Variants in FRAS1 observed in about 807,000 individuals in gnomAD.
The protein encoded by FRAS1 is Fraser extracellular matrix complex subunit 1.
In FRAS1, 290 loss-of-function variants were observed where a neutral mutation model predicts 435.2. The ratio of observed to expected loss-of-function variants is 0.67; its 90% CI spans 0.61 to 0.73. FRAS1 has a LOEUF of 0.73. FRAS1 is among the 30% of genes least tolerant of loss of function. FRAS1 has a pLI of 0.00. For synonymous variants in FRAS1, 1,800 were observed against 1,851.0 expected (o/e 0.97, Z 0.71); for missense variants, 4,860 against 5,001.5 (o/e 0.97, Z 0.85).
At chr4:78,314,849 C>T (rs529497620) in intron 15 of FRAS1, among the ~76,000 whole-genome samples, 2 of 151,878 alleles carry the variant, frequency 1.3e-5, no homozygotes, top group African/African-American at 2.4e-5. Context: ...GACTTTTCCA[C>T]CTCTTACCCC....
intron 3 of FRAS1, among the ~76,000 whole-genome samples, chr4:78,243,798 T>A (rs969004161): frequency 1.3e-5 from 2 of 152,158 alleles, no homozygotes; most frequent in East Asian, 3.8e-4. Context: ...TCTGGGGGCA[T>A]GAAACATTCC....
In FRAS1 at chr4:78,374,159, G is replaced by T; in HGVS notation, c.3059G>T (p.Arg1020Leu). 1 of 1,604,740 alleles carries T rather than the reference G, an allele frequency of 6.2e-7. No homozygotes were observed. Among genetic ancestry groups the T allele is most frequent in the Non-Finnish European group, 8.5e-7 (1 of 1,173,356 alleles). ...LQCQGPHECT[R>L]CKGPFLLLEA... ...TGCCAAGGTCCCCATGAGTGTACCC[G>T]CTGCAAAGGGCCATTTCTCCTCTTG... Residue 1020 changes from arginine to leucine, a missense_variant, in exon 25 of 74, where the codon CGC (arginine) becomes CTC (leucine). Arg to Leu is a moderately radical substitution (Grantham distance 102, BLOSUM62 -2). Transcript: ENST00000512123.
intron 32 of FRAS1, among the ~76,000 whole-genome samples, chr4:78,414,058 T>C (rs554912464): frequency 2.6e-5 from 4 of 152,260 alleles, no homozygotes; most frequent in African/African-American, 9.6e-5. Context: ...ATAGCTATAG[T>C]TTTAGAAATT....
chr4:78,511,575 C>T lies in FRAS1; in HGVS notation c.10013+69C>T, dbSNP rs748600777. 1.2e-5 allele frequency: 14 copies of T among 1,132,532 alleles called. No individual in the cohort carries two copies. The East Asian group carries it at 3.3e-4, about 26-fold the overall frequency. 70.2% of individuals were successfully genotyped at this position (1,132,532 alleles called of 1,614,324 possible). On this transcript the variant is annotated intron_variant, in intron 64 of 73. Coordinates refer to ENST00000512123, the MANE Select transcript of FRAS1 (RefSeq NM_025074.7). ...TCTCAGGTCTCCTTTGTGTGTTTCCCAGGACAATCAATAAGGGATGCTTCT... is the reference window on the plus strand; with the variant it reads ...TCTCAGGTCTCCTTTGTGTGTTTCCTAGGACAATCAATAAGGGATGCTTCT...
chr4:78,427,354 G>A (rs1292563320), intron 35 of FRAS1, among the ~76,000 whole-genome samples: 2 of 152,110 alleles, frequency 1.3e-5, no homozygotes, highest in African/African-American at 4.8e-5. Context: ...GCCTTCATAT[G>A]TGAAAGAAAT....
At chr4:78,488,108 G>C (rs887474218) in intron 58 of FRAS1, among the ~76,000 whole-genome samples, 1 of 152,128 alleles carries the variant, frequency 6.6e-6, no homozygotes, top group African/African-American at 2.4e-5. Context: ...ACTCCAGCCT[G>C]AGTGACAGAG....
chr4:78,429,168 A>G lies in FRAS1; in HGVS notation c.4785A>G (p.Pro1595=). The G allele has an allele frequency of 1.2e-6, 2 of 1,600,708 alleles. No homozygotes were observed. The highest frequency in any genetic ancestry group is 1.7e-4 in the Middle Eastern group (1 of 6,050). ...TACTTCCCAGTGATCAGCAACTGCC[A>G]GTGTTCCAGGTCACAGCTCCACGGC... ...IHLLPSDQQL[P]VFQVTAPRLA... is the part of the protein sequence containing the mutation. The change falls in exon 36 of 74, where the codon CCA becomes CCG. Residue 1595 remains proline (P), a synonymous_variant. Transcript: ENST00000512123.
At chr4:78,427,951 C>T (rs1343292884) in intron 35 of FRAS1, among the ~76,000 whole-genome samples, 1 of 152,204 alleles carries the variant, frequency 6.6e-6, no homozygotes, top group Non-Finnish European at 1.5e-5. Context: ...TCATAACCAA[C>T]ACATAGACAA....
rs1560421813 is a variant in FRAS1, at chr4:78,515,856, A to G, written c.10232A>G (p.Asp3411Gly). The part of the protein sequence containing the change: ...YDSTALGPGY[D>G]RPFQFDPSVR... ...AGCACTGCCCTGGGGCCTGGCTACGATCGCCCCTTCCAGTTTGACCCCAGC... is the reference window on the plus strand; with the variant it reads ...AGCACTGCCCTGGGGCCTGGCTACGGTCGCCCCTTCCAGTTTGACCCCAGC... Residue 3411 changes from aspartate (D) to glycine (G), a missense_variant, in exon 66 of 74, where the codon GAT (aspartate) becomes GGT (glycine). Physicochemically the swap from Asp to Gly is moderately conservative, Grantham distance 94 (BLOSUM62 -1). Transcript: ENST00000512123. 2 of 1,613,986 alleles carry G rather than the reference A, an allele frequency of 1.2e-6. No homozygotes were observed. The highest frequency in any genetic ancestry group is 1.7e-6 in the Non-Finnish European group (2 of 1,179,896).
rs1237040034 is a variant in FRAS1 at position 78,387,393 on chromosome 4, A to G, written c.3667A>G (p.Asn1223Asp). 1.9e-6 allele frequency: 3 copies of G among 1,610,342 alleles called. No individual in the cohort carries two copies. Among genetic ancestry groups the G allele is most frequent in the Non-Finnish European group, 2.5e-6 (3 of 1,177,688 alleles). The change falls in exon 29 of 74, where the codon AAT (asparagine) becomes GAT (aspartate). Residue 1223 changes from asparagine to aspartate, a missense_variant. Coordinates refer to ENST00000512123, the MANE Select transcript of FRAS1 (RefSeq NM_025074.7). ...TCCACAGGCCCCCTATGTGCTGAGA[A>G]ATGAAGTTCTCCACATTAGCAGAGG... ...FSTQAPYVLR[N>D]EVLHISRGER... is the part of the protein sequence containing the mutation.
chr4:78,460,758 A>G (rs1284233214), intron 47 of FRAS1, among the ~76,000 whole-genome samples: 3 of 151,850 alleles, frequency 2.0e-5, no homozygotes, highest in Admixed American at 1.3e-4. Flanking sequence ...ACATGATAGT[A>G]AGTATTTGTG....
At position 78,482,449 on chromosome 4, in the gene FRAS1, T is replaced by A. The variant is rs777342983; in HGVS notation, c.8666T>A (p.Phe2889Tyr). ...CCGGTAATTGAAGGACTGGAGACATTTGTGGTTTTCCTCAGCTCAGCACAA... is the reference window on the plus strand; with the variant it reads ...CCGGTAATTGAAGGACTGGAGACATATGTGGTTTTCCTCAGCTCAGCACAA... ...QYPVIEGLETFVVFLSSAQGA... is the reference protein window; with the variant it reads ...QYPVIEGLETYVVFLSSAQGA... The change falls in exon 58 of 74, where the codon TTT becomes TAT. Residue 2889 changes from phenylalanine to tyrosine, a missense_variant. Transcript: ENST00000512123. 1.5e-5 allele frequency: 25 copies of A among 1,613,852 alleles called. No individual in the cohort carries two copies. Among genetic ancestry groups the A allele is most frequent in the Non-Finnish European group, 1.9e-5 (22 of 1,179,866 alleles).
At chr4:78,493,258 G>C (rs1222120382) in intron 59 of FRAS1, among the ~76,000 whole-genome samples, 1 of 152,182 alleles carries the variant, frequency 6.6e-6, no homozygotes, top group Non-Finnish European at 1.5e-5. Flanking sequence ...ATTCCTCAAG[G>C]ATCTAGAACC....
chr4:78,312,845 GAAAGAAAGAAAGAA>G (rs1729080643), intron 15 of FRAS1, among the ~76,000 whole-genome samples: 1 of 143,984 alleles, frequency 6.9e-6, no homozygotes, highest in Non-Finnish European at 1.5e-5. Context: ...GAAAGAAAAA[GAAAGAAAGAAAGAA>G]AGAGAGAGAG....
chr4:78,173,757 A>C (rs1250668821), intron 2 of FRAS1, among the ~76,000 whole-genome samples: 1 of 152,234 alleles, frequency 6.6e-6, no homozygotes, highest in Non-Finnish European at 1.5e-5. Context: ...AACAGGCGGC[A>C]CTATGTGATT....
chr4:78,283,202 C>T (rs183401966), intron 12 of FRAS1, among the ~76,000 whole-genome samples: 2 of 152,240 alleles, frequency 1.3e-5, no homozygotes, highest in East Asian at 3.9e-4. Context: ...CCTCTTTAAA[C>T]CTTAATTTTC....
intron 47 of FRAS1, among the ~76,000 whole-genome samples, chr4:78,455,719 C>G (rs1276965750): frequency 6.6e-6 from 1 of 152,126 alleles, no homozygotes; most frequent in East Asian, 1.9e-4. Flanking sequence ...AGAAGACAGA[C>G]CTAAGCCTTC....
chr4:78,068,726 G>A, intron 2 of FRAS1: 1 of 376,216 alleles, frequency 2.7e-6, no homozygotes, highest in Non-Finnish European at 5.2e-6. Context: ...ATTAAGTGTA[G>A]GAAAAACAGC....
chr4:78,526,734 TA>T, intron 70 of FRAS1, 77 bp downstream of exon 70: 2 of 900,274 alleles, frequency 2.2e-6, no homozygotes, highest in African/African-American at 1.8e-5. Context: ...AATTTATTTG[TA>T]ACCCCCAAAT....
Sources: allele counts gnomAD v4.1 joint callset (sites outside exome capture counted in the v4.1 genomes callset), GRCh38; gene constraint gnomAD v4.1.1; transcripts MANE v1.5; gene names NCBI Gene and HGNC (gene_info 2026-07-23, HGNC 2026-07-21).